LAMA5: variants seen among roughly 807,000 people sequenced by gnomAD.
The protein encoded by LAMA5 is laminin subunit alpha-5.
In LAMA5, 260 loss-of-function variants were observed where a neutral mutation model predicts 433.4. That is an observed-to-expected ratio of 0.60 (90% confidence interval 0.54 to 0.66). The LOEUF (loss-of-function observed/expected upper bound fraction) is 0.66, where lower values mean the gene tolerates loss of function less well. Among genes scored for constraint, LAMA5 ranks in the 30% least tolerant of loss-of-function variants. The probability of loss-of-function intolerance (pLI) is 0.00; values close to 1 mark genes in which losing one functional copy is unlikely to be tolerated. For synonymous variants in LAMA5, 2,620 were observed against 2,226.6 expected, an observed-to-expected ratio of 1.18 and a Z score of -4.97; for missense variants, 5,378 against 5,258.5, an observed-to-expected ratio of 1.02 and a Z score of -0.70.
chr20:62,334,404 C>T, intron 21 of LAMA5, 62 bp from the exon 22 acceptor site: 1 of 1,526,520 alleles, frequency 6.6e-7, no homozygotes, highest in Non-Finnish European at 8.8e-7. Flanking sequence ...TGCACAGCGG[C>T]CCCGGGTCTC....
intron 21 of LAMA5, 51 bp downstream of exon 21, chr20:62,334,471 G>A (rs1184499162): frequency 4.6e-6 from 7 of 1,522,100 alleles, no homozygotes; most frequent in Admixed American, 4.0e-5. Flanking sequence ...AGGCCCGGAG[G>A]ACAAGCTGCC....
At chr20:62,335,315 G>A (rs766802663) in intron 18 of LAMA5, 46 bp from the exon 19 acceptor site, 1 of 1,599,096 alleles carries the variant, frequency 6.3e-7, no homozygotes, top group East Asian at 2.2e-5. Flanking sequence ...GGGCAGGAGA[G>A]CCTGGCTCCA....
chr20:62,330,930 G>A lies in LAMA5; in HGVS notation c.3665C>T (p.Pro1222Leu). The change falls in exon 30 of 80, where the codon CCC becomes CTC. Residue 1222 changes from proline to leucine, a missense_variant. Physicochemically the swap from Pro to Leu is moderately conservative, Grantham distance 98 (BLOSUM62 -3). Transcript: ENST00000252999. Reference protein sequence around the residue: ...AFGPNSAACLPSRFPKPPQPI... With the variant: ...AFGPNSAACLLSRFPKPPQPI... ...CTGGGGCGGCTTTGGGAAGCGCGAG[G>A]GCAGACAGGCGGCACTGGTGAGAGC... 1 of 1,551,644 alleles carries A rather than the reference G, an allele frequency of 6.4e-7. No homozygotes were observed. The highest frequency in any genetic ancestry group is 8.7e-7 in the Non-Finnish European group (1 of 1,147,788).
At chr20:62,323,029 C>A (rs992711052) in intron 45 of LAMA5, among the ~76,000 whole-genome samples, 12 of 142,642 alleles carry the variant, frequency 8.4e-5, no homozygotes, top group Non-Finnish European at 1.6e-4. Flanking sequence ...TGGTGTCTAA[C>A]CATGAGGGGG....
intron 20 of LAMA5, 127 bp downstream of exon 20, chr20:62,334,894 G>A: frequency 1.1e-6 from 1 of 873,000 alleles, no homozygotes; most frequent in Non-Finnish European, 1.8e-6. Context: ...CTGGCACCAA[G>A]GGGCAGCCAT....
rs774812139 is a variant in LAMA5 at position 62,319,751 on chromosome 20, G to A, written c.6804C>T (p.Thr2268=). Reference sequence around the variant, plus strand: ...TCTTCGCATGGCCCAGTGTGGCCTCGGTGCCGGCCAGCAATTGGCTCGCCT... The same window carrying A: ...TCTTCGCATGGCCCAGTGTGGCCTCAGTGCCGGCCAGCAATTGGCTCGCCT... The part of the protein sequence containing the change: ...RDQASQLLAG[T]EATLGHAKTL... The change falls in exon 51 of 80, where the codon ACC becomes ACT. Residue 2268 remains threonine, a synonymous_variant. Transcript: ENST00000252999. 1.6e-4 allele frequency: 249 copies of A among 1,548,890 alleles called. No homozygotes were observed. Among genetic ancestry groups the A allele is most frequent in the Non-Finnish European group, 1.8e-4 (212 of 1,147,328 alleles).
Position 62,328,881 on chromosome 20 carries a change from G to A in LAMA5, c.4410C>T (p.Arg1470=), listed in dbSNP as rs1043524983. ...HAHVIGRDCS[R]CATGYWGFPN... is the part of the protein sequence containing the mutation. ...GGAAGCCCCAGTATCCGGTGGCACAGCGGGAGCAGTCACGGCCAATGACAT... is the reference window on the plus strand; with the variant it reads ...GGAAGCCCCAGTATCCGGTGGCACAACGGGAGCAGTCACGGCCAATGACAT... Residue 1470 remains arginine (R), a synonymous_variant, in exon 34 of 80, where the codon CGC becomes CGT. Transcript: ENST00000252999. 3 of 1,611,730 alleles carry A rather than the reference G, an allele frequency of 1.9e-6. No homozygotes were observed. The highest frequency in any genetic ancestry group is 2.7e-5 in the African/African-American group (2 of 74,914).
At chr20:62,317,600 A>G in intron 54 of LAMA5, 62 bp downstream of exon 54, 1 of 1,519,374 alleles carries the variant, frequency 6.6e-7, no homozygotes, top group Admixed American at 2.0e-5. Flanking sequence ...AAAGCTGCCC[A>G]CGGGCCTGGG....
intron 6 of LAMA5, among the ~76,000 whole-genome samples, chr20:62,350,314 T>G (rs540029933): frequency 6.6e-6 from 1 of 152,082 alleles, no homozygotes; most frequent in Non-Finnish European, 1.5e-5. Flanking sequence ...CCTGAAGCTG[T>G]GCTGGCAGCA....
rs1160050191 is a variant in LAMA5 at position 62,367,281 on chromosome 20, G to A, written c.-36C>T. On this transcript the variant is annotated 5_prime_UTR_variant, in exon 1 of 80. Transcript: ENST00000252999. ...CCGGGCCGCGTCCCCGAGCTCCAGG[G>A]ACAGCGCGCGCGGCGGGAGCCCGGC... 3 of 1,142,556 alleles carry A rather than the reference G, an allele frequency of 2.6e-6. No individual in the cohort carries two copies. The highest frequency in any genetic ancestry group is 8.4e-5 in the South Asian group (2 of 23,868). 70.8% of individuals were successfully genotyped at this position (1,142,556 alleles called of 1,614,324 possible).
At chr20:62,356,331 A>AC (rs1265825864) in intron 2 of LAMA5, 3 of 152,170 alleles carry the variant, frequency 2.0e-5, no homozygotes, top group Non-Finnish European at 2.9e-5. Context: ...CCTCGCCATG[A>AC]CCCGGAGCGA....
chr20:62,309,631 T>TGGGAGGGGGCAGGGGGA lies in LAMA5; in HGVS notation c.10948+84_10948+85insTCCCCCTGCCCCCTCCC, dbSNP rs1234851632. On this transcript the variant is annotated intron_variant, in intron 79 of 79. Coordinates refer to ENST00000252999, the MANE Select transcript of LAMA5 (RefSeq NM_005560.6). ...GAGGAGGGTGGGAGGGGGCAGGGGG[T>TGGGAGGGGGCAGGGGGA]GGAGGGGTGGGGGGAGGGTGGTAGG... 21 of 395,346 alleles carry TGGGAGGGGGCAGGGGGA rather than the reference T, an allele frequency of 5.3e-5. 1 individual carries two copies. Among genetic ancestry groups the TGGGAGGGGGCAGGGGGA allele is most frequent in the Admixed American group, 2.0e-4 (2 of 10,144 alleles). The allele number at this position is 395,346 out of a possible 1,614,324, so 24.5% of individuals were successfully genotyped here.
intron 1 of LAMA5, among the ~76,000 whole-genome samples, chr20:62,365,096 T>C (rs2146383139): frequency 6.6e-6 from 1 of 152,382 alleles, no homozygotes; most frequent in Middle Eastern, 3.4e-3. Flanking sequence ...CTGATCTTTC[T>C]ACATATCTGG....
chr20:62,352,621 G>A (rs1445565697), intron 3 of LAMA5, among the ~76,000 whole-genome samples: 5 of 151,592 alleles, frequency 3.3e-5, no homozygotes, highest in Admixed American at 6.6e-5. Flanking sequence ...GGGGACAGAC[G>A]CCTACTGCCC....
chr20:62,350,992 C>T (rs1472581779), intron 6 of LAMA5: 3 of 153,054 alleles, frequency 2.0e-5, no homozygotes, highest in South Asian at 2.1e-4. Flanking sequence ...CCCTACCTTA[C>T]TGAGGACTCT....
intron 16 of LAMA5, among the ~76,000 whole-genome samples, chr20:62,337,187 TTATGCGATAC>T (rs1981790790): frequency 1.4e-4 from 13 of 92,228 alleles, no homozygotes; most frequent in African/African-American, 5.5e-4. Context: ...GCGCACCCAC[TTATGCGATAC>T]GCGCACCCAC....
At position 62,367,274 on chromosome 20, in the gene LAMA5, C is replaced by T. The variant is rs1363219089; in HGVS notation, c.-29G>A. 8.7e-7 allele frequency: 1 copy of T among 1,148,796 alleles called. No homozygotes were observed. Among genetic ancestry groups the T allele is most frequent in the East Asian group, 4.4e-5 (1 of 22,846 alleles). The allele number at this position is 1,148,796 out of a possible 1,614,324, so 71.2% of individuals were successfully genotyped here. On this transcript the variant is annotated 5_prime_UTR_variant, in exon 1 of 80. Coordinates refer to ENST00000252999, the MANE Select transcript of LAMA5 (RefSeq NM_005560.6). The stretch of plus-strand genomic sequence containing the variant: ...CCCGGCTCCGGGCCGCGTCCCCGAG[C>T]TCCAGGGACAGCGCGCGCGGCGGGA...
chr20:62,336,687 GCCTGGGTCCTCAC>G, intron 17 of LAMA5, 34 bp downstream of exon 17: 1 of 1,604,220 alleles, frequency 6.2e-7, no homozygotes, highest in Non-Finnish European at 8.5e-7. Flanking sequence ...TTTTAGCTTG[GCCTGGGTCCTCAC>G]CCATCTCCCA....
intron 54 of LAMA5, 81 bp downstream of exon 54, chr20:62,317,581 T>C (rs1035419438): frequency 6.6e-7 from 1 of 1,522,064 alleles, no homozygotes; most frequent in Non-Finnish European, 8.9e-7. Flanking sequence ...TGCACGCAAG[T>C]GTGCACACAA....
Sources: gnomAD v4.1 joint callset for allele counts (sites outside exome capture counted in the v4.1 genomes callset) on GRCh38, gnomAD v4.1.1 for gene constraint, MANE v1.5 for transcripts, NCBI Gene and HGNC (gene_info 2026-07-23, HGNC 2026-07-21) for gene names.